CLNK: variants seen among roughly 807,000 people sequenced by gnomAD.
CLNK encodes cytokine-dependent hematopoietic cell linker.
Under a neutral mutation model 68.6 loss-of-function variants are expected in CLNK, and 74 were observed. The observed-to-expected ratio is 1.08, with a 90% CI of 0.89 to 1.31. The LOEUF (loss-of-function observed/expected upper bound fraction) is 1.31. CLNK is among the 50% of genes most tolerant of loss of function. CLNK has a pLI of 0.00. For missense variants in CLNK, 553 were observed against 515.3 expected (o/e 1.07, Z -0.71); for synonymous variants, 198 against 172.2 (o/e 1.15, Z -1.17).
intron 1 of CLNK, among the ~76,000 whole-genome samples, chr4:10,682,965 G>A (rs770352530): frequency 6.6e-6 from 1 of 152,086 alleles, no homozygotes; most frequent in Non-Finnish European, 1.5e-5. Flanking sequence ...AATAAAATCA[G>A]AACTGATTTG....
At chr4:10,592,070 C>T (rs1721198849) in intron 3 of CLNK, among the ~76,000 whole-genome samples, 1 of 152,216 alleles carries the variant, frequency 6.6e-6, no homozygotes, top group African/African-American at 2.4e-5. Flanking sequence ...TGTCTGGTCT[C>T]CTCCCTCCTC....
intron 2 of CLNK, among the ~76,000 whole-genome samples, chr4:10,658,501 T>C (rs1159811084): frequency 1.3e-5 from 2 of 152,194 alleles, no homozygotes; most frequent in African/African-American, 4.8e-5. Flanking sequence ...CTGGTGCTGT[T>C]TCATTCAGAT....
chr4:10,733,098 T>C, the CLNK span, among the ~76,000 whole-genome samples: 1 of 152,096 alleles, frequency 6.6e-6, no homozygotes, highest in Non-Finnish European at 1.5e-5. Flanking sequence ...GTTATAGCTG[T>C]CAATTATGGC....
intron 14 of CLNK, among the ~76,000 whole-genome samples, chr4:10,523,713 T>C (rs1470799353): frequency 6.6e-6 from 1 of 152,224 alleles, no homozygotes; most frequent in East Asian, 1.9e-4. Flanking sequence ...TGTACATTTT[T>C]TACTTTTAGA....
chr4:10,566,315 T>C (rs552078894), intron 5 of CLNK, among the ~76,000 whole-genome samples, 165 bp from the exon 6 acceptor site: 1 of 152,362 alleles, frequency 6.6e-6, no homozygotes, highest in South Asian at 2.1e-4. Context: ...CTTGTGCTAG[T>C]GAGAATTCTA....
intron 7 of CLNK, among the ~76,000 whole-genome samples, chr4:10,563,934 T>C (rs1719998120): frequency 6.6e-6 from 1 of 150,850 alleles, no homozygotes. Flanking sequence ...GAAAAGAAAA[T>C]ACTGATAATG....
the CLNK span, among the ~76,000 whole-genome samples, chr4:10,691,575 C>A: frequency 6.6e-6 from 1 of 151,602 alleles, no homozygotes; most frequent in Non-Finnish European, 1.5e-5. Flanking sequence ...TTAGACAAAT[C>A]TGGCTGGGAG....
intron 12 of CLNK, among the ~76,000 whole-genome samples, chr4:10,530,082 T>C (rs1384095858): frequency 1.3e-5 from 2 of 152,048 alleles, no homozygotes; most frequent in African/African-American, 4.8e-5. Flanking sequence ...TCCTTCCGTA[T>C]TCTTTTTAGT....
At chr4:10,729,885 C>T in the CLNK span, among the ~76,000 whole-genome samples, 1 of 152,164 alleles carries the variant, frequency 6.6e-6, no homozygotes, top group Non-Finnish European at 1.5e-5. Context: ...ACAAAAGATG[C>T]ATGTTGGAAA....
At chr4:10,611,734 G>T (rs1416827231) in intron 2 of CLNK, among the ~76,000 whole-genome samples, 1 of 152,172 alleles carries the variant, frequency 6.6e-6, no homozygotes, top group Non-Finnish European at 1.5e-5. Flanking sequence ...GCTCCTGGGG[G>T]TGGCTCCTGC....
intron 4 of CLNK, among the ~76,000 whole-genome samples, chr4:10,574,647 A>G (rs1024435682): frequency 2.6e-5 from 4 of 152,150 alleles, no homozygotes; most frequent in African/African-American, 9.7e-5. Flanking sequence ...ACCACCCCTC[A>G]TATTGTCTTA....
the CLNK span, among the ~76,000 whole-genome samples, chr4:10,701,559 G>C: frequency 2.6e-5 from 4 of 152,212 alleles, no homozygotes; most frequent in Non-Finnish European, 4.4e-5. Context: ...TAGGTGAATG[G>C]AAGTGCAGAG....
chr4:10,725,804 G>A, the CLNK span, among the ~76,000 whole-genome samples: 245 of 151,650 alleles, frequency 1.6e-3, 1 homozygote, highest in African/African-American at 5.4e-3. Context: ...GCAGTGAGCC[G>A]AGATGCGCCA....
intron 2 of CLNK, among the ~76,000 whole-genome samples, chr4:10,628,391 GA>G (rs1378599316): frequency 6.6e-6 from 1 of 151,166 alleles, no homozygotes. Flanking sequence ...AAACTCAGAT[GA>G]AATCAACTCA....
At chr4:10,701,013 C>T in the CLNK span, among the ~76,000 whole-genome samples, 8 of 151,902 alleles carry the variant, frequency 5.3e-5, no homozygotes, top group Admixed American at 2.6e-4. Flanking sequence ...CGTCTGCACC[C>T]GTAAAAGCTT....
intron 2 of CLNK, among the ~76,000 whole-genome samples, chr4:10,642,993 T>C (rs753231136): frequency 3.9e-5 from 6 of 152,200 alleles, no homozygotes; most frequent in Non-Finnish European, 8.8e-5. Context: ...AAACAGGCTA[T>C]ATATACGCAC....
chr4:10,689,347 C>T (rs751009869), upstream of CLNK, among the ~76,000 whole-genome samples: 1 of 152,192 alleles, frequency 6.6e-6, no homozygotes, highest in East Asian at 1.9e-4. Context: ...GTTGACTAGA[C>T]TGGTCTCAAA....
intron 11 of CLNK, among the ~76,000 whole-genome samples, chr4:10,536,285 C>G (rs1407316512): frequency 6.6e-6 from 1 of 152,224 alleles, no homozygotes; most frequent in Non-Finnish European, 1.5e-5. Context: ...AGCAGGCACT[C>G]TCCTGCATGG....
chr4:10,656,445 A>G (rs932989253), intron 2 of CLNK: 1 of 152,002 alleles, frequency 6.6e-6, no homozygotes, highest in Non-Finnish European at 1.5e-5. Context: ...TAGCTACACC[A>G]TAGTCAACAA....
Sources: allele counts gnomAD v4.1 joint callset (sites outside exome capture counted in the v4.1 genomes callset), GRCh38; gene constraint gnomAD v4.1.1; transcripts MANE v1.5; gene names NCBI Gene and HGNC (gene_info 2026-07-23, HGNC 2026-07-21).